Variants in SLC4A7 observed in about 807,000 individuals in gnomAD.
SLC4A7 encodes solute carrier family 4 member 7, also known as sodium bicarbonate cotransporter 3.
A neutral mutation model predicts 137.6 loss-of-function variants in SLC4A7; 51 were observed. The observed-to-expected ratio is 0.37, with a 90% CI of 0.30 to 0.47. The LOEUF is 0.47. Among genes scored for constraint, SLC4A7 ranks in the 20% least tolerant of loss-of-function variants. The pLI is 1.00. For synonymous variants in SLC4A7, 542 were observed against 518.6 expected (o/e 1.05, Z -0.61); for missense variants, 1,247 against 1,525.4 (o/e 0.82, Z 3.04).
At chr3:27,389,092 G>C (rs1164870168) in intron 22 of SLC4A7, among the ~76,000 whole-genome samples, 1 of 151,160 alleles carries the variant, frequency 6.6e-6, no homozygotes, top group Non-Finnish European at 1.5e-5. Context: ...ATCCATTATT[G>C]ATTTTTTTAA....
intron 11 of SLC4A7, among the ~76,000 whole-genome samples, chr3:27,417,504 A>C (rs2150266254): frequency 6.6e-6 from 1 of 152,358 alleles, no homozygotes; most frequent in South Asian, 2.1e-4. Context: ...CTGTAATCCT[A>C]GAACTTTGGG....
At chr3:27,388,871 TAAAGCCTAAAA>T (rs2051245134) in intron 22 of SLC4A7, among the ~76,000 whole-genome samples, 7 of 114,096 alleles carry the variant, frequency 6.1e-5, no homozygotes, top group Non-Finnish European at 9.4e-5. Context: ...TCGTGACCTA[TAAAGCCTAAAA>T]TGTTTACTAT....
chr3:27,394,857 C>T, intron 19 of SLC4A7, 88 bp from the exon 20 acceptor site: 1 of 1,539,808 alleles, frequency 6.5e-7, no homozygotes, highest in Non-Finnish European at 8.8e-7. Flanking sequence ...AGGGAAGAAG[C>T]TAATTTTCAT....
In SLC4A7 at chr3:27,407,468, G is replaced by C. The variant is rs1411843259; in HGVS notation, c.1941+1888C>G. 3.3e-4 allele frequency among the ~76,000 whole-genome samples: 47 copies of C among 142,484 alleles called. 1 individual carries two copies. The highest frequency in any genetic ancestry group is 3.1e-5 in the Non-Finnish European group (2 of 65,220). The allele number at this position is 142,484 out of a possible 152,430, so 93.5% of individuals were successfully genotyped here. A position where few individuals can be genotyped will look rare whatever the true frequency, so the allele number is the denominator to read the frequency against. The stretch of plus-strand genomic sequence containing the variant: ...GCACTCCAGCCTGGTGACGGAGCGA[G>C]ACTCCGCCTCAAAAAAAAAAAAAAA... On this transcript the variant is annotated intron_variant, in intron 13 of 25. Coordinates refer to ENST00000454389, the MANE Select transcript of SLC4A7 (RefSeq NM_001321103.2).
chr3:27,403,995 A>G (rs1201915166), intron 14 of SLC4A7, among the ~76,000 whole-genome samples: 5 of 152,222 alleles, frequency 3.3e-5, no homozygotes, highest in Admixed American at 2.0e-4. Context: ...GAATCAGAAA[A>G]AGAGAGCTGG....
intron 7 of SLC4A7, 88 bp from the exon 8 acceptor site, chr3:27,424,240 G>C (rs749821091): frequency 6.2e-6 from 4 of 648,052 alleles, no homozygotes; most frequent in Admixed American, 3.2e-5. Flanking sequence ...GATGATTTAT[G>C]AATATTATAA....
chr3:27,389,253 T>C (rs1157820471), intron 22 of SLC4A7, among the ~76,000 whole-genome samples: 1 of 152,190 alleles, frequency 6.6e-6, no homozygotes, highest in Non-Finnish European at 1.5e-5. Flanking sequence ...GATGGTTTTT[T>C]AACTGTTTTC....
rs372556728 is a variant in SLC4A7 at position 27,399,676 on chromosome 3, C to T, written c.2427+1088G>A. ...CTAACTCCTGGCCTCTAGCAATACT[C>T]CTGCCTTGTCCTCCCAGAGTGCTAT... On this transcript the variant is annotated intron_variant, in intron 16 of 25. Coordinates refer to ENST00000454389, the MANE Select transcript of SLC4A7 (RefSeq NM_001321103.2). Among the ~76,000 whole-genome samples, 6 of 152,152 alleles carry T rather than the reference C, an allele frequency of 3.9e-5. No individual in the cohort carries two copies. The East Asian group carries it at 9.6e-4, about 24-fold the overall frequency.
intron 7 of SLC4A7, among the ~76,000 whole-genome samples, chr3:27,429,290 C>A (rs547172489): frequency 2.7e-4 from 41 of 151,882 alleles, no homozygotes; most frequent in Admixed American, 2.7e-3. Flanking sequence ...GAGTTATAAA[C>A]CTTTTCTCCA....
rs539495286 is a variant in SLC4A7, at chr3:27,395,182, T to C, written c.2704-67A>G. 169 of 1,164,298 alleles carry C rather than the reference T, an allele frequency of 1.5e-4. No homozygotes were observed. In the African/African-American group the frequency reaches 2.3e-3, roughly 16 times the overall value. The allele number at this position is 1,164,298 out of a possible 1,614,324, so 72.1% of individuals were successfully genotyped here. A position where few individuals can be genotyped will look rare whatever the true frequency, so the allele number is the denominator to read the frequency against. ...TGTATTGCACTAAATTTCCATAACA[T>C]AGACTTGATCTGTTCCAAGAAATAC... is the stretch of plus-strand genomic sequence containing the variant. On this transcript the variant is annotated intron_variant, in intron 18 of 25. Transcript: ENST00000454389.
chr3:27,465,494 A>G (rs1352783877), intron 1 of SLC4A7, among the ~76,000 whole-genome samples: 3 of 134,726 alleles, frequency 2.2e-5, no homozygotes, highest in African/African-American at 8.1e-5. Context: ...AAAAAAAAAA[A>G]GTACTAACAT....
rs1040491752 is a variant in SLC4A7, at chr3:27,375,516, C to T, written c.*1248G>A. The T allele has an allele frequency of 6.6e-6, 1 of 152,342 alleles. No individual in the cohort carries two copies. Among genetic ancestry groups the T allele is most frequent in the Admixed American group, 6.6e-5 (1 of 15,246 alleles). 9.4% of individuals were successfully genotyped at this position (152,342 alleles called of 1,614,324 possible). A position where few individuals can be genotyped will look rare whatever the true frequency, so the allele number is the denominator to read the frequency against. ...TACACAAAATAAAAATGTCATTAAT[C>T]TGAGCTACATATAAAATGTCTAATT... On this transcript the variant is annotated 3_prime_UTR_variant, in exon 26 of 26. Coordinates refer to ENST00000454389, the MANE Select transcript of SLC4A7 (RefSeq NM_001321103.2).
At chr3:27,441,127 G>A (rs890513927) in intron 3 of SLC4A7, among the ~76,000 whole-genome samples, 1 of 152,128 alleles carries the variant, frequency 6.6e-6, no homozygotes, top group South Asian at 2.1e-4. Flanking sequence ...TCACAGGTTC[G>A]AGGGTTTAGG....
At position 27,458,316 on chromosome 3, in the gene SLC4A7, A is replaced by T. The variant is rs191164016; in HGVS notation, c.61-5818T>A. Among the ~76,000 whole-genome samples, 12 of 152,334 alleles carry T rather than the reference A, an allele frequency of 7.9e-5. No individual in the cohort carries two copies. In the East Asian group the frequency reaches 1.9e-3, roughly 24 times the overall value. On this transcript the variant is annotated intron_variant, in intron 1 of 25. Transcript: ENST00000454389. ...AAAAATATTTATATCCCACAGCTAA[A>T]GTCTTACTACCCAGCTCATCCTGGA...
rs1415647690 is a variant in SLC4A7, at chr3:27,446,889, T to G, written c.289+1762A>C. 7.6e-5 allele frequency among the ~76,000 whole-genome samples: 5 copies of G among 65,458 alleles called. No individual in the cohort carries two copies. In the East Asian group the frequency reaches 1.5e-3, roughly 20 times the overall value. The allele number at this position is 65,458 out of a possible 152,430, so 42.9% of individuals were successfully genotyped here. A position where few individuals can be genotyped will look rare whatever the true frequency, so the allele number is the denominator to read the frequency against. On this transcript the variant is annotated intron_variant, in intron 3 of 25. Coordinates refer to ENST00000454389, the MANE Select transcript of SLC4A7 (RefSeq NM_001321103.2). The stretch of plus-strand genomic sequence containing the variant: ...AGTTTTTTTTTGTTTTTTTTTGTTT[T>G]TTTTGTTTTTTTTAAACAGAGTCTC...
At chr3:27,386,094 T>TTTTTTATAAG in intron 22 of SLC4A7, 71 bp from the exon 23 acceptor site, 1 of 1,223,134 alleles carries the variant, frequency 8.2e-7, no homozygotes, top group Non-Finnish European at 1.1e-6. Flanking sequence ...AGGAAAAGCA[T>TTTTTTATAAG]ATTTATTAAA....
intron 20 of SLC4A7, among the ~76,000 whole-genome samples, chr3:27,393,540 G>A (rs1291180053): frequency 6.6e-6 from 1 of 152,118 alleles, no homozygotes; most frequent in Admixed American, 6.6e-5. Context: ...TTTACAGTAA[G>A]GGAAGGTAGC....
intron 1 of SLC4A7, among the ~76,000 whole-genome samples, chr3:27,471,869 T>A (rs922344606): frequency 6.6e-6 from 1 of 152,234 alleles, no homozygotes; most frequent in Non-Finnish European, 1.5e-5. Context: ...CAAAAATTTG[T>A]TAGCCCATGC....
chr3:27,418,983 A>G (rs948280664), intron 10 of SLC4A7, among the ~76,000 whole-genome samples: 7 of 152,196 alleles, frequency 4.6e-5, no homozygotes, highest in Non-Finnish European at 1.5e-5. Flanking sequence ...CTAAGAAAAT[A>G]ATCATGGATA....
Sources: gnomAD v4.1 joint callset for allele counts (sites outside exome capture counted in the v4.1 genomes callset) on GRCh38, gnomAD v4.1.1 for gene constraint, MANE v1.5 for transcripts, NCBI Gene and HGNC (gene_info 2026-07-23, HGNC 2026-07-21) for gene names.